PLXNA4: variants seen among roughly 807,000 people sequenced by gnomAD.
The protein encoded by PLXNA4 is plexin-A4.
In PLXNA4, 44 loss-of-function variants were observed where a neutral mutation model predicts 191.8. The observed-to-expected ratio is 0.23, with a 90% confidence interval of 0.18 to 0.29. The LOEUF (loss-of-function observed/expected upper bound fraction) is 0.29. PLXNA4 is among the 10% of genes least tolerant of loss of function. The pLI is 1.00. For missense variants in PLXNA4, 1,800 were observed against 2,488.8 expected (o/e 0.72, Z 5.89); for synonymous variants, 1,082 against 1,009.5 (o/e 1.07, Z -1.36).
At chr7:132,486,134 G>T (rs906391354) in intron 3 of PLXNA4, among the ~76,000 whole-genome samples, 1 of 152,072 alleles carries the variant, frequency 6.6e-6, no homozygotes, top group Non-Finnish European at 1.5e-5. Flanking sequence ...TTATTACAGG[G>T]CTCAGAGAAA....
intron 7 of PLXNA4, among the ~76,000 whole-genome samples, chr7:132,226,689 G>A (rs930351342): frequency 5.3e-5 from 8 of 152,208 alleles, no homozygotes; most frequent in Admixed American, 2.0e-4. Context: ...TCTGTAAAGA[G>A]AGCCCCTGTT....
intron 2 of PLXNA4, among the ~76,000 whole-genome samples, chr7:132,623,346 C>CA (rs34787394): frequency 0.044 from 6,512 of 147,832 alleles, 275 homozygotes; most frequent in African/African-American, 0.097. Flanking sequence ...AATTCCATCT[C>CA]AAAAAATAAA....
At chr7:132,170,874 G>A (rs531214546) in intron 21 of PLXNA4, among the ~76,000 whole-genome samples, 22 of 152,318 alleles carry the variant, frequency 1.4e-4, no homozygotes, top group Admixed American at 1.3e-3. Context: ...TCCTTGGAGG[G>A]CCAGTTCTCA....
chr7:132,615,492 G>A (rs185669885), intron 2 of PLXNA4, among the ~76,000 whole-genome samples: 4 of 152,196 alleles, frequency 2.6e-5, no homozygotes, highest in Non-Finnish European at 5.9e-5. Context: ...TGGGTTGCAG[G>A]CTTTGGCTGA....
chr7:132,417,671 A>G (rs1426413695), intron 3 of PLXNA4, among the ~76,000 whole-genome samples: 2 of 150,394 alleles, frequency 1.3e-5, no homozygotes, highest in Non-Finnish European at 3.0e-5. Flanking sequence ...GAGAGAGAAA[A>G]AGACTGAAAA....
chr7:132,385,428 AC>A, intron 3 of PLXNA4: 1 of 1,292,112 alleles, frequency 7.7e-7, no homozygotes, highest in Non-Finnish European at 1.0e-6. Context: ...AATATGTATT[AC>A]AAAATGTATT....
chr7:132,385,308 A>G (rs2116961025), intron 3 of PLXNA4: 3 of 1,607,094 alleles, frequency 1.9e-6, no homozygotes, highest in Admixed American at 1.7e-5. Context: ...GGAAAAGATG[A>G]AACCTTAGCA....
intron 1 of PLXNA4, among the ~76,000 whole-genome samples, chr7:132,546,422 T>G (rs1338729716): frequency 6.6e-6 from 1 of 152,162 alleles, no homozygotes; most frequent in African/African-American, 2.4e-5. Flanking sequence ...AATGCACCAG[T>G]AAAATTTTTT....
intron 2 of PLXNA4, among the ~76,000 whole-genome samples, chr7:132,595,337 T>C (rs1196521936): frequency 6.6e-6 from 1 of 152,170 alleles, no homozygotes; most frequent in Non-Finnish European, 1.5e-5. Flanking sequence ...CCAGGCATCA[T>C]GGCAGACTCG....
rs184718980 is a variant in PLXNA4 at position 132,454,301 on chromosome 7, T to C, written c.1371+34991A>G. Among the ~76,000 whole-genome samples the C allele has an allele frequency of 5.9e-5, 9 of 152,318 alleles. No homozygotes were observed. In the East Asian group the frequency reaches 1.7e-3, roughly 29 times the overall value. On this transcript the variant is annotated intron_variant, in intron 3 of 31. Transcript: ENST00000321063. ...GTGACTCTTAAGCCTCATCTCAAAG[T>C]TCTTGTTCCTGCTTCTGCATTGCCT...
chr7:132,312,149 A>AAATAATAATTAAT, intron 3 of PLXNA4, among the ~76,000 whole-genome samples: 1 of 149,556 alleles, frequency 6.7e-6, no homozygotes, highest in African/African-American at 2.5e-5. Context: ...CCTTGAAGGA[A>AAATAATAATTAAT]AATAATAATA....
At chr7:132,507,444 C>G in intron 2 of PLXNA4, 62 bp downstream of exon 2, 1 of 1,515,708 alleles carries the variant, frequency 6.6e-7, no homozygotes, top group Non-Finnish European at 8.9e-7. Context: ...ATGGGGGCTA[C>G]AGGCTGGGGT....
chr7:132,551,540 G>A (rs939037879), intron 1 of PLXNA4, among the ~76,000 whole-genome samples: 5 of 152,018 alleles, frequency 3.3e-5, no homozygotes, highest in Admixed American at 2.6e-4. Flanking sequence ...AGTATACCTC[G>A]CTGGAGGCTG....
chr7:132,571,230 G>A (rs961929514), intron 1 of PLXNA4, among the ~76,000 whole-genome samples: 2 of 152,194 alleles, frequency 1.3e-5, no homozygotes, highest in African/African-American at 4.8e-5. Context: ...CTCCTTCAGG[G>A]ATTCACACCC....
chr7:132,409,450 G>C (rs1794361995), intron 3 of PLXNA4, among the ~76,000 whole-genome samples: 1 of 152,158 alleles, frequency 6.6e-6, no homozygotes, highest in Non-Finnish European at 1.5e-5. Flanking sequence ...TGGTCTCATG[G>C]TTTCCAGTTC....
intron 2 of PLXNA4, among the ~76,000 whole-genome samples, chr7:132,635,549 T>A (rs1039962519): frequency 6.6e-6 from 1 of 152,034 alleles, no homozygotes; most frequent in East Asian, 1.9e-4. Context: ...GAAAAAACAA[T>A]GTGAGCTGAC....
intron 9 of PLXNA4, among the ~76,000 whole-genome samples, chr7:132,222,378 G>A (rs528948702): frequency 6.6e-6 from 1 of 152,202 alleles, no homozygotes; most frequent in Non-Finnish European, 1.5e-5. Context: ...CTCCCATGAG[G>A]GTTTGGCCAA....
chr7:132,638,089 A>C (rs1016471607), intron 2 of PLXNA4, among the ~76,000 whole-genome samples: 5 of 152,096 alleles, frequency 3.3e-5, no homozygotes, highest in Admixed American at 2.6e-4. Flanking sequence ...CTGGGCTCTC[A>C]TCCACCCCTA....
intron 3 of PLXNA4, among the ~76,000 whole-genome samples, chr7:132,337,491 T>A (rs766836751): frequency 6.6e-6 from 1 of 152,232 alleles, no homozygotes; most frequent in Non-Finnish European, 1.5e-5. Context: ...ATGGAGAAGG[T>A]TGTGCTTTAT....
Sources: gnomAD v4.1 joint callset for allele counts (sites outside exome capture counted in the v4.1 genomes callset) on GRCh38, gnomAD v4.1.1 for gene constraint, MANE v1.5 for transcripts, NCBI Gene and HGNC (gene_info 2026-07-23, HGNC 2026-07-21) for gene names.